The following MOCOS variants were observed in gnomAD, a reference collection of about 807,000 sequenced individuals.
MOCOS encodes the protein molybdenum cofactor sulfurase, also known as human molybdenum cofactor sulfurase.
Under a neutral mutation model 83.6 loss-of-function variants are expected in MOCOS, and 86 were observed. That is an observed-to-expected ratio of 1.03 (90% CI 0.86 to 1.23). The LOEUF (loss-of-function observed/expected upper bound fraction) is 1.23, where lower values mean the gene tolerates loss of function less well. MOCOS is among the 50% of genes most tolerant of loss of function. The pLI, the probability that MOCOS is intolerant of heterozygous loss-of-function variation, is 0.00. For synonymous variants in MOCOS, 445 were observed against 434.7 expected, an observed-to-expected ratio of 1.02 and a Z score of -0.29; for missense variants, 1,120 against 1,126.9, an observed-to-expected ratio of 0.99 and a Z score of 0.09.
In MOCOS at chr18:36,271,637, A is replaced by G. The variant is rs796491994; in HGVS notation, c.*2952A>G. On this transcript the variant is annotated 3_prime_UTR_variant, in exon 15 of 15. Transcript: ENST00000261326. The stretch of plus-strand genomic sequence containing the variant: ...ACCAAACCTTGGTGTTAGAGTCACA[A>G]AAAGTCCTTTTTTAAAAAAACTTGG... The G allele has an allele frequency of 7.9e-5, 12 of 152,306 alleles. No homozygotes were observed. Among genetic ancestry groups the G allele is most frequent in the African/African-American group, 2.6e-4 (11 of 41,582 alleles). The allele number at this position is 152,306 out of a possible 1,614,324, so 9.4% of individuals were successfully genotyped here.
intron 9 of MOCOS, among the ~76,000 whole-genome samples, chr18:36,245,708 C>T (rs2091599961): frequency 1.3e-5 from 2 of 152,142 alleles, no homozygotes; most frequent in South Asian, 2.1e-4. Context: ...TGATTATTCC[C>T]TCAAATAAGT....
chr18:36,218,916 T>C (rs2091485184), intron 8 of MOCOS, among the ~76,000 whole-genome samples: 1 of 150,924 alleles, frequency 6.6e-6, no homozygotes, highest in Admixed American at 6.6e-5. Flanking sequence ...TCGCCCAGAC[T>C]GGAGTGCAAT....
intron 8 of MOCOS, among the ~76,000 whole-genome samples, chr18:36,218,588 C>T (rs989340649): frequency 2.6e-5 from 4 of 152,150 alleles, no homozygotes; most frequent in Admixed American, 2.6e-4. Flanking sequence ...CATCAAAGCT[C>T]ACTGCAGTTT....
chr18:36,212,356 C>T (rs539547845), intron 6 of MOCOS, among the ~76,000 whole-genome samples: 17 of 151,988 alleles, frequency 1.1e-4, no homozygotes, highest in African/African-American at 3.6e-4. Flanking sequence ...GGGGCAGCCA[C>T]GGGGACTCTA....
intron 4 of MOCOS, among the ~76,000 whole-genome samples, chr18:36,201,662 C>CAAAAAAAA (rs1568050276): frequency 1.2e-3 from 3 of 2,526 alleles, no homozygotes; most frequent in African/African-American, 1.9e-3. Flanking sequence ...GACTCCATCT[C>CAAAAAAAA]CAAAAAAAAA....
intron 12 of MOCOS, among the ~76,000 whole-genome samples, chr18:36,257,907 C>G (rs1422149212): frequency 6.6e-6 from 1 of 152,186 alleles, no homozygotes; most frequent in Admixed American, 6.5e-5. Flanking sequence ...GACTAAGCCA[C>G]CTCGTCCGCC....
intron 9 of MOCOS, among the ~76,000 whole-genome samples, chr18:36,232,637 C>A (rs1311672221): frequency 6.6e-6 from 1 of 152,100 alleles, no homozygotes; most frequent in Non-Finnish European, 1.5e-5. Flanking sequence ...CTCTCCCTAT[C>A]CCCTTCTTTA....
intron 1 of MOCOS, among the ~76,000 whole-genome samples, chr18:36,191,038 GAA>G (rs199746071): frequency 9.4e-5 from 3 of 31,844 alleles, no homozygotes; most frequent in East Asian, 2.7e-3. Context: ...AAAAGAAAAA[GAA>G]AAAAAAGTGT....
intron 9 of MOCOS, among the ~76,000 whole-genome samples, chr18:36,247,645 G>T (rs1036336921): frequency 2.0e-5 from 3 of 152,278 alleles, no homozygotes; most frequent in South Asian, 2.1e-4. Flanking sequence ...TCTAGGTAAG[G>T]GTAAATCTTT....
At chr18:36,216,956 C>T (rs73946793) in intron 8 of MOCOS, among the ~76,000 whole-genome samples, 5 of 152,258 alleles carry the variant, frequency 3.3e-5, no homozygotes, top group African/African-American at 1.2e-4. Context: ...TAAGGAAGCT[C>T]AGATAATCCC....
chr18:36,251,757 A>C (rs2091623253), intron 11 of MOCOS, among the ~76,000 whole-genome samples: 1 of 152,110 alleles, frequency 6.6e-6, no homozygotes, highest in Non-Finnish European at 1.5e-5. Flanking sequence ...AATTTTTCCC[A>C]CCTTAAGCCA....
Position 36,200,142 on chromosome 18 carries a change from C to A in MOCOS, c.759C>A (p.His253Gln). 1 of 1,614,210 alleles carries A rather than the reference C, an allele frequency of 6.2e-7. No homozygotes were observed. The highest frequency in any genetic ancestry group is 8.5e-7 in the Non-Finnish European group (1 of 1,180,046). Residue 253 changes from histidine (H) to glutamine (Q), a missense_variant, in exon 4 of 15, where the codon CAC (histidine) becomes CAA (glutamine). Transcript: ENST00000261326. ...VSTSPLDLSA[H>Q]QADFVPISFY... ...CCTCGCCTTTGGACCTGTCAGCTCACCAGGCCGACTTTGTCCCCATCTCCT... is the reference window on the plus strand; with the variant it reads ...CCTCGCCTTTGGACCTGTCAGCTCAACAGGCCGACTTTGTCCCCATCTCCT...
intron 1 of MOCOS, among the ~76,000 whole-genome samples, chr18:36,192,899 TC>T (rs2144893334): frequency 6.6e-6 from 1 of 152,196 alleles, no homozygotes; most frequent in South Asian, 2.1e-4. Flanking sequence ...TCCACTCACC[TC>T]AGCTTCCCCA....
chr18:36,187,554 G>A lies in MOCOS; in HGVS notation c.15G>A (p.Ala5=), dbSNP rs145568479. MAGA[A]AESGRELWTF... Reference sequence around the variant, plus strand: ...TAGCCGGGGCCATGGCCGGCGCGGCGGCGGAGTCAGGGCGGGAGCTGTGGA... The same window carrying A: ...TAGCCGGGGCCATGGCCGGCGCGGCAGCGGAGTCAGGGCGGGAGCTGTGGA... Residue 5 remains alanine (A), a synonymous_variant, in exon 1 of 15, where the codon GCG becomes GCA. Transcript: ENST00000261326. 2,888 of 1,239,862 alleles carry A rather than the reference G, an allele frequency of 2.3e-3. 67 individuals carry two copies. The African/African-American group carries it at 0.041, about 17-fold the overall frequency. The allele number at this position is 1,239,862 out of a possible 1,614,324, so 76.8% of individuals were successfully genotyped here.
chr18:36,259,017 A>G (rs535343015), intron 12 of MOCOS, among the ~76,000 whole-genome samples: 2 of 149,370 alleles, frequency 1.3e-5, no homozygotes, highest in African/African-American at 5.0e-5. Flanking sequence ...GTGGGATCAT[A>G]CAGGATGTGT....
intron 5 of MOCOS, among the ~76,000 whole-genome samples, chr18:36,204,254 C>A (rs568588948): frequency 1.3e-5 from 2 of 152,266 alleles, no homozygotes; most frequent in Admixed American, 6.5e-5. Flanking sequence ...CCCTTCCAAC[C>A]CTTGGAACTA....
At chr18:36,228,727 G>A (rs2091527019) in intron 9 of MOCOS, among the ~76,000 whole-genome samples, 1 of 151,216 alleles carries the variant, frequency 6.6e-6, no homozygotes, top group Non-Finnish European at 1.5e-5. Context: ...AATAACTAAT[G>A]AGTATTAGGC....
intron 9 of MOCOS, among the ~76,000 whole-genome samples, chr18:36,232,354 G>T (rs2091541540): frequency 6.6e-6 from 1 of 152,106 alleles, no homozygotes; most frequent in Non-Finnish European, 1.5e-5. Context: ...TACAGTAATT[G>T]TACATATTTA....
chr18:36,219,534 C>T (rs901987456), intron 8 of MOCOS, among the ~76,000 whole-genome samples: 11 of 151,940 alleles, frequency 7.2e-5, no homozygotes, highest in African/African-American at 2.7e-4. Context: ...CAAAACTTAG[C>T]CGGGCATGGT....
Sources: gnomAD v4.1 joint callset for allele counts (sites outside exome capture counted in the v4.1 genomes callset) on GRCh38, gnomAD v4.1.1 for gene constraint, MANE v1.5 for transcripts, NCBI Gene and HGNC (gene_info 2026-07-23, HGNC 2026-07-21) for gene names.